Variants in TMEM44 observed in about 807,000 individuals in gnomAD.
TMEM44 encodes transmembrane protein 44.
A neutral mutation model predicts 47.8 loss-of-function variants in TMEM44; 43 were observed. The observed-to-expected ratio is 0.90, with a 90% CI of 0.70 to 1.16. The LOEUF (loss-of-function observed/expected upper bound fraction) is 1.16. TMEM44 is among the 50% of genes most tolerant of loss of function. TMEM44 has a pLI of 0.00. For synonymous variants in TMEM44, 277 were observed against 238.8 expected (o/e 1.16, Z -1.48); for missense variants, 568 against 555.2 (o/e 1.02, Z -0.23).
At chr3:194,608,607 T>C (rs1166963935) in intron 8 of TMEM44, among the ~76,000 whole-genome samples, 1 of 151,992 alleles carries the variant, frequency 6.6e-6, no homozygotes, top group Non-Finnish European at 1.5e-5. Context: ...GAAGCAGACA[T>C]TTACGTTGAA....
chr3:194,609,701 T>A (rs534064271), intron 8 of TMEM44, among the ~76,000 whole-genome samples: 1 of 151,920 alleles, frequency 6.6e-6, no homozygotes, highest in Non-Finnish European at 1.5e-5. Context: ...TCCTCACCCC[T>A]CCAGCGCTCC....
intron 3 of TMEM44, among the ~76,000 whole-genome samples, chr3:194,624,848 G>C (rs1716968672): frequency 1.3e-5 from 2 of 151,956 alleles, no homozygotes; most frequent in South Asian, 4.2e-4. Flanking sequence ...CAAATAGCTG[G>C]GATTATAGGT....
In TMEM44 at chr3:194,604,339, C is replaced by T. The variant is rs145373799; in HGVS notation, c.1124G>A (p.Arg375Gln). Residue 375 changes from arginine (R) to glutamine (Q), a missense_variant, in exon 9 of 10, where the codon CGG becomes CAG. Arg to Gln is a conservative substitution (Grantham distance 43). Coordinates refer to ENST00000347147, the MANE Select transcript of TMEM44 (RefSeq NM_001011655.3). ...SYPPVQVIRA[R>Q]VSSGSSSEVS... is the part of the protein sequence containing the mutation. ...CTCAGAGGAGCTGCCGGAAGACACC[C>T]GGGCCCGGATGACCTGAACGGGAGG... 199 of 1,576,556 alleles carry T rather than the reference C, an allele frequency of 1.3e-4. No homozygotes were observed. In the African/African-American group the frequency reaches 2.3e-3, roughly 18 times the overall value.
chr3:194,632,802 G>A (rs1717955850), intron 1 of TMEM44: 2 of 437,650 alleles, frequency 4.6e-6, no homozygotes, highest in Admixed American at 4.0e-5. Flanking sequence ...AATGGCGAAG[G>A]GCTGACAATA....
At position 194,588,486 on chromosome 3, in the gene TMEM44, C is replaced by G. The variant is rs1712138498; in HGVS notation, c.*43G>C. 1 of 1,581,288 alleles carries G rather than the reference C, an allele frequency of 6.3e-7. No individual in the cohort carries two copies. Among genetic ancestry groups the G allele is most frequent in the Non-Finnish European group, 8.7e-7 (1 of 1,151,744 alleles). On this transcript the variant is annotated 3_prime_UTR_variant, in exon 10 of 10. Transcript: ENST00000347147. ...TTCCCGCTGCGTTACTGAACGAACT[C>G]CTGACCCTGGGCTCTGAGCTGATGA...
chr3:194,623,797 G>C (rs709011), intron 3 of TMEM44, 102 bp from the exon 4 acceptor site: 611,485 of 1,478,964 alleles, frequency 0.41, 133,372 homozygotes, highest in Non-Finnish European at 0.46. Context: ...ACATGATGCT[G>C]AAGCGGGTTC....
At chr3:194,609,097 C>T (rs1178971134) in intron 8 of TMEM44, among the ~76,000 whole-genome samples, 3 of 152,050 alleles carry the variant, frequency 2.0e-5, no homozygotes, top group Admixed American at 2.0e-4. Flanking sequence ...AAAGACAGTG[C>T]GTCATTTACT....
intron 1 of TMEM44, chr3:194,632,873 T>G: frequency 1.1e-6 from 1 of 892,002 alleles, no homozygotes. Flanking sequence ...CCTCCTCCCT[T>G]TGGCTCACAG....
At chr3:194,604,688 G>T (rs549866012) in intron 8 of TMEM44, among the ~76,000 whole-genome samples, 50 of 152,170 alleles carry the variant, frequency 3.3e-4, no homozygotes, top group African/African-American at 1.1e-3. Context: ...TATTTCCCCC[G>T]ATTTCCAAAA....
chr3:194,593,096 G>C (rs766964800), intron 9 of TMEM44: 4 of 1,613,014 alleles, frequency 2.5e-6, no homozygotes, highest in Non-Finnish European at 3.4e-6. Flanking sequence ...AAGAGAGACA[G>C]AAAAAGTGTT....
chr3:194,630,821 G>A (rs548088439), intron 1 of TMEM44, among the ~76,000 whole-genome samples: 1,351 of 124,030 alleles, frequency 0.011, 13 homozygotes, highest in African/African-American at 0.038. Flanking sequence ...GGCTGTTTCC[G>A]TCGGCATCAC....
rs375888810 is a variant in TMEM44 at position 194,588,247 on chromosome 3, G to A, written c.*282C>T. 5.9e-5 allele frequency: 23 copies of A among 391,234 alleles called. No individual in the cohort carries two copies. Among genetic ancestry groups the A allele is most frequent in the African/African-American group, 4.2e-4 (20 of 48,160 alleles). The allele number at this position is 391,234 out of a possible 1,614,324, so 24.2% of individuals were successfully genotyped here. A position where few individuals can be genotyped will look rare whatever the true frequency, so the allele number is the denominator to read the frequency against. ...GGAATGAAGGGAAAAGGAAGAGCGG[G>A]TCTGAGATCCTTTGGATTATCTTTA... On this transcript the variant is annotated 3_prime_UTR_variant, in exon 10 of 10. Coordinates refer to ENST00000347147, the MANE Select transcript of TMEM44 (RefSeq NM_001011655.3).
chr3:194,616,798 G>A, intron 6 of TMEM44: 4 of 445,074 alleles, frequency 9.0e-6, no homozygotes, highest in South Asian at 8.1e-5. Context: ...GGGAGGCTGA[G>A]GCAGGAGAAT....
chr3:194,611,378 G>C lies in TMEM44; in HGVS notation c.913-358C>G, dbSNP rs1035746460. 6.6e-6 allele frequency among the ~76,000 whole-genome samples: 1 copy of C among 152,070 alleles called. No individual in the cohort carries two copies. The highest frequency in any genetic ancestry group is 2.4e-5 in the African/African-American group (1 of 41,388). ...CCTCGGCCTCCCAAAGTGCTGGGAT[G>C]ACAGGCGTGAGCCACCACACCCGGC... On this transcript the variant is annotated intron_variant, in intron 7 of 9. Coordinates refer to ENST00000347147, the MANE Select transcript of TMEM44 (RefSeq NM_001011655.3). This position sits in a 1 kb window ranked among gnomAD's most constrained non-coding sequence, Gnocchi z 4.2.
chr3:194,624,820 TCTC>T (rs1423280583), intron 3 of TMEM44, among the ~76,000 whole-genome samples: 4 of 152,036 alleles, frequency 2.6e-5, no homozygotes, highest in Non-Finnish European at 5.9e-5. Flanking sequence ...TTTAAGCAAT[TCTC>T]CTGCTTCAGC....
chr3:194,626,365 T>C (rs1168550895), intron 2 of TMEM44, among the ~76,000 whole-genome samples: 1 of 152,224 alleles, frequency 6.6e-6, no homozygotes, highest in Non-Finnish European at 1.5e-5. Context: ...AAACTAACAG[T>C]GCTTCCCTCA....
intron 3 of TMEM44, 24 bp downstream of exon 3, chr3:194,625,873 A>G (rs1419545969): frequency 1.3e-6 from 2 of 1,583,552 alleles, no homozygotes; most frequent in Non-Finnish European, 1.7e-6. Flanking sequence ...GAATAAAGAC[A>G]GGAAAAGACA....
chr3:194,617,812 T>G (rs1716105035), intron 5 of TMEM44: 1 of 697,692 alleles, frequency 1.4e-6, no homozygotes, highest in African/African-American at 1.7e-5. Context: ...GGTGGATATC[T>G]CATGAATGGT....
At chr3:194,617,421 T>G in intron 5 of TMEM44, 152 bp from the exon 6 acceptor site, 1 of 928,724 alleles carries the variant, frequency 1.1e-6, no homozygotes, top group South Asian at 1.8e-5. Context: ...TTTGCTCGAG[T>G]TGCTTCTTCT....
Sources: allele counts gnomAD v4.1 joint callset (sites outside exome capture counted in the v4.1 genomes callset), GRCh38; gene constraint gnomAD v4.1.1; non-coding constraint Gnocchi (gnomAD v3.1); transcripts MANE v1.5; gene names NCBI Gene and HGNC (gene_info 2026-07-23, HGNC 2026-07-21).